Variants in CCDC6 observed in about 807,000 individuals in gnomAD.
CCDC6 encodes the protein coiled-coil domain-containing protein 6.
CCDC6 carries 20 observed loss-of-function variants against 56.6 expected under a neutral mutation model. The ratio of observed to expected loss-of-function variants is 0.35; its 90% confidence interval spans 0.25 to 0.51. The LOEUF is 0.51. Among genes scored for constraint, CCDC6 ranks in the 20% least tolerant of loss-of-function variants. The pLI, the probability that CCDC6 is intolerant of heterozygous loss-of-function variation, is 0.95. For missense variants in CCDC6, 367 were observed against 601.1 expected, an observed-to-expected ratio of 0.61 and a Z score of 4.07; for synonymous variants, 241 against 234.4, an observed-to-expected ratio of 1.03 and a Z score of -0.26.
chr10:59,855,424 G>A (rs1323498731), intron 1 of CCDC6, among the ~76,000 whole-genome samples: 2 of 152,110 alleles, frequency 1.3e-5, no homozygotes, highest in African/African-American at 4.8e-5. Context: ...AAAATTAGCT[G>A]AGCATGGTGG....
At chr10:59,816,562 T>A (rs990033826) in intron 3 of CCDC6, among the ~76,000 whole-genome samples, 4 of 152,214 alleles carry the variant, frequency 2.6e-5, no homozygotes, top group Non-Finnish European at 5.9e-5. Flanking sequence ...TTACTAGATA[T>A]AATTTTACCA....
chr10:59,842,021 T>C (rs2070944208), intron 2 of CCDC6, among the ~76,000 whole-genome samples: 1 of 151,808 alleles, frequency 6.6e-6, no homozygotes, highest in South Asian at 2.1e-4. Flanking sequence ...TCAAACACAA[T>C]GGTTTGGGCA....
chr10:59,850,698 A>ATT (rs140703802), intron 2 of CCDC6, among the ~76,000 whole-genome samples: 2 of 151,534 alleles, frequency 1.3e-5, no homozygotes, highest in Admixed American at 6.6e-5. Flanking sequence ...TTAGTCTATG[A>ATT]TTTTTTTTTC....
chr10:59,854,073 G>C (rs1484296285), intron 1 of CCDC6, among the ~76,000 whole-genome samples: 3 of 152,062 alleles, frequency 2.0e-5, no homozygotes, highest in Non-Finnish European at 4.4e-5. Flanking sequence ...GGGAGGAAGA[G>C]CCACATGAAT....
At chr10:59,822,029 T>C (rs1212462440) in intron 3 of CCDC6, among the ~76,000 whole-genome samples, 1 of 152,224 alleles carries the variant, frequency 6.6e-6, no homozygotes, top group East Asian at 1.9e-4. Context: ...TTATCTGGCA[T>C]ATTTAAAATA....
intron 1 of CCDC6, among the ~76,000 whole-genome samples, chr10:59,897,028 T>C (rs1023072104): frequency 6.6e-6 from 1 of 152,200 alleles, no homozygotes; most frequent in Non-Finnish European, 1.5e-5. Context: ...CTCTACTTTA[T>C]GGAGAATACA....
Position 59,793,119 on chromosome 10 carries a change from G to T in CCDC6, c.1231-8C>A, listed in dbSNP as rs200679908. On this transcript the variant is annotated splice_region_variant and splice_polypyrimidine_tract_variant and intron_variant, in intron 8 of 8. Coordinates refer to ENST00000263102, the MANE Select transcript of CCDC6 (RefSeq NM_005436.5). The stretch of plus-strand genomic sequence containing the variant: ...TCTCCGTGGTGAAGGCCTCTGCAGA[G>T]GGGACAGGAACAGCAAGTCAGTCTA... 897 of 1,613,470 alleles carry T rather than the reference G, an allele frequency of 5.6e-4. 3 individuals carry two copies. The highest frequency in any genetic ancestry group is 2.5e-3 in the South Asian group (225 of 91,016).
intron 8 of CCDC6, 95 bp from the exon 9 acceptor site, chr10:59,793,206 C>A: frequency 1.1e-6 from 1 of 913,960 alleles, no homozygotes; most frequent in Non-Finnish European, 1.7e-6. Flanking sequence ...TAATCAAACA[C>A]TAACCAACAA....
At chr10:59,818,625 T>C (rs1449927957) in intron 3 of CCDC6, among the ~76,000 whole-genome samples, 3 of 151,876 alleles carry the variant, frequency 2.0e-5, no homozygotes, top group Non-Finnish European at 4.4e-5. Context: ...GCAATCGGCA[T>C]GTCTACATAG....
chr10:59,819,478 C>T (rs1359103029), intron 3 of CCDC6, among the ~76,000 whole-genome samples: 1 of 152,132 alleles, frequency 6.6e-6, no homozygotes, highest in African/African-American at 2.4e-5. Flanking sequence ...ATCAGTTTCC[C>T]CACCACTTCC....
rs367585673 is a variant in CCDC6 at position 59,792,857 on chromosome 10, C to T, written c.*60G>A. On this transcript the variant is annotated 3_prime_UTR_variant, in exon 9 of 9. Transcript: ENST00000263102. ...ATATGCCAGAGAAGGAAGCCTTTGG[C>T]GTTGAGTAGACGGCTCCATTGGATG... 17 of 1,526,800 alleles carry T rather than the reference C, an allele frequency of 1.1e-5. No individual in the cohort carries two copies. In the African/African-American group the frequency reaches 2.0e-4, roughly 18 times the overall value. 94.6% of individuals were successfully genotyped at this position (1,526,800 alleles called of 1,614,324 possible). A position where few individuals can be genotyped will look rare whatever the true frequency, so the allele number is the denominator to read the frequency against.
At chr10:59,892,931 G>C (rs1284098513) in intron 1 of CCDC6, among the ~76,000 whole-genome samples, 1 of 151,720 alleles carries the variant, frequency 6.6e-6, no homozygotes, top group African/African-American at 2.4e-5. Flanking sequence ...CCAATACTGA[G>C]GGAAGGGGGT....
In CCDC6 at chr10:59,864,679, G is replaced by C. The variant is rs548755532; in HGVS notation, c.304-11977C>G. ...GTCATTACTCTATGGGTTAATGGGT[G>C]GTTTCTTGGCTGGTTTCACTGGGCT... On this transcript the variant is annotated intron_variant, in intron 1 of 8. Coordinates refer to ENST00000263102, the MANE Select transcript of CCDC6 (RefSeq NM_005436.5). Among the ~76,000 whole-genome samples the C allele has an allele frequency of 1.1e-4, 16 of 152,238 alleles. No homozygotes were observed. The East Asian group carries it at 2.7e-3, about 26-fold the overall frequency.
At chr10:59,871,320 T>C (rs2071227827) in intron 1 of CCDC6, among the ~76,000 whole-genome samples, 1 of 152,076 alleles carries the variant, frequency 6.6e-6, no homozygotes, top group African/African-American at 2.4e-5. Context: ...GCCTTGTATA[T>C]ACGAAGCACT....
intron 3 of CCDC6, among the ~76,000 whole-genome samples, chr10:59,830,776 G>C (rs892740331): frequency 1.3e-5 from 2 of 152,200 alleles, no homozygotes; most frequent in Non-Finnish European, 2.9e-5. Flanking sequence ...AATAGGATGA[G>C]ACTGCCCTTC....
chr10:59,800,869 C>T (rs904421426), intron 7 of CCDC6, among the ~76,000 whole-genome samples: 5 of 151,798 alleles, frequency 3.3e-5, no homozygotes, highest in Non-Finnish European at 7.4e-5. Flanking sequence ...ATAAACTTCC[C>T]TTGCTTTGAT....
chr10:59,801,988 G>A (rs1311116862), intron 7 of CCDC6, among the ~76,000 whole-genome samples: 3 of 152,076 alleles, frequency 2.0e-5, no homozygotes, highest in Non-Finnish European at 4.4e-5. Flanking sequence ...TAACTGGATC[G>A]AAACCAATGT....
intron 1 of CCDC6, among the ~76,000 whole-genome samples, chr10:59,867,765 G>A (rs1218112096): frequency 2.0e-5 from 3 of 151,864 alleles, no homozygotes; most frequent in Admixed American, 6.6e-5. Context: ...ATGGGGTTTC[G>A]CCATGTTGCC....
chr10:59,857,759 G>A (rs566034481), intron 1 of CCDC6, among the ~76,000 whole-genome samples: 1 of 152,074 alleles, frequency 6.6e-6, no homozygotes, highest in East Asian at 1.9e-4. Context: ...ACATCCTGAA[G>A]CTTTAAGAGT....
Sources: gnomAD v4.1 joint callset for allele counts (sites outside exome capture counted in the v4.1 genomes callset) on GRCh38, gnomAD v4.1.1 for gene constraint, MANE v1.5 for transcripts, NCBI Gene and HGNC (gene_info 2026-07-23, HGNC 2026-07-21) for gene names.